PCDHA4: variants seen among roughly 807,000 people sequenced by gnomAD.
PCDHA4 encodes protocadherin alpha 4.
In PCDHA4, 49 loss-of-function variants were observed where a neutral mutation model predicts 61.4. That is an observed-to-expected ratio of 0.80 (90% CI 0.63 to 1.01). The LOEUF (loss-of-function observed/expected upper bound fraction) is 1.01. Ranked by LOEUF, PCDHA4 falls within the 50% of genes least tolerant of loss-of-function variation. PCDHA4 has a pLI of 0.00. For synonymous variants in PCDHA4, 590 were observed against 550.3 expected, an observed-to-expected ratio of 1.07 and a Z score of -1.01; for missense variants, 1,254 against 1,235.8, an observed-to-expected ratio of 1.01 and a Z score of -0.22.
At chr5:140,857,806 G>A (rs1554150689) in intron 1 of PCDHA4, 2 of 1,597,702 alleles carry the variant, frequency 1.3e-6, no homozygotes, top group African/African-American at 1.3e-5. Flanking sequence ...CGGTGGTTGC[G>A]GGTCACGTGG....
intron 1 of PCDHA4, among the ~76,000 whole-genome samples, chr5:140,941,255 C>CTTTCTTTCTTTCTT (rs782490896): frequency 4.1e-3 from 183 of 44,496 alleles, no homozygotes; most frequent in African/African-American, 4.7e-3. Context: ...TTCTTTCTTT[C>CTTTCTTTCTTTCTT]TCTTTCTTTC....
At position 140,807,421 on chromosome 5, in the gene PCDHA4, T is replaced by C. The variant is rs1554124005; in HGVS notation, c.234T>C (p.Asn78=). The C allele has an allele frequency of 6.3e-7, 1 of 1,592,400 alleles. No individual in the cohort carries two copies. The highest frequency in any genetic ancestry group is 8.5e-7 in the Non-Finnish European group (1 of 1,171,304). Residue 78 remains asparagine (N), a synonymous_variant, in exon 1 of 4, where the codon AAT becomes AAC. Coordinates refer to ENST00000530339, the MANE Select transcript of PCDHA4 (RefSeq NM_018907.4). ...SKGRGGLLEV[N]LQNGILFVNS... ...GCCGCGGAGGCCTTCTGGAGGTAAA[T>C]CTGCAGAATGGCATTTTGTTTGTGA...
intron 1 of PCDHA4, among the ~76,000 whole-genome samples, chr5:140,846,605 ACCT>A (rs1246547204): frequency 6.7e-6 from 1 of 148,178 alleles, no homozygotes; most frequent in East Asian, 1.9e-4. Context: ...CGATCTCCTG[ACCT>A]CCTGATCCGC....
chr5:140,882,870 A>T, intron 1 of PCDHA4: 1 of 1,614,196 alleles, frequency 6.2e-7, no homozygotes, highest in South Asian at 1.1e-5. Flanking sequence ...AAAACACTGG[A>T]CAGAGAGGAA....
At chr5:140,964,173 C>A (rs1052958313) in intron 1 of PCDHA4, among the ~76,000 whole-genome samples, 5 of 152,174 alleles carry the variant, frequency 3.3e-5, no homozygotes, top group Non-Finnish European at 7.4e-5. Context: ...GGAACGAAAT[C>A]ATTATAGTGC....
At chr5:140,944,907 T>A (rs246063) in intron 1 of PCDHA4, among the ~76,000 whole-genome samples, 85,748 of 151,952 alleles carry the variant, frequency 0.56, 24,800 homozygotes, top group African/African-American at 0.69. Flanking sequence ...TTCCACAAAC[T>A]TCTCTTTATA....
At chr5:140,865,810 T>A (rs1350387651) in intron 1 of PCDHA4, 1 of 152,186 alleles carries the variant, frequency 6.6e-6, no homozygotes, top group Non-Finnish European at 1.5e-5. Flanking sequence ...CATTCTTTTA[T>A]CCACTATAAT....
chr5:141,010,938 A>G lies in PCDHA4; in HGVS notation c.*1001A>G, dbSNP rs1210392691. ...TCAAAAGAGAATTCAGTCTACAGCC[A>G]TTTAAATGATCATTGCTGCTACAGA... On this transcript the variant is annotated 3_prime_UTR_variant, in exon 4 of 4. Coordinates refer to ENST00000530339, the MANE Select transcript of PCDHA4 (RefSeq NM_018907.4). 6 of 153,824 alleles carry G rather than the reference A, an allele frequency of 3.9e-5. No homozygotes were observed. Among genetic ancestry groups the G allele is most frequent in the African/African-American group, 1.4e-4 (6 of 41,470 alleles). The allele number at this position is 153,824 out of a possible 1,614,324, so 9.5% of individuals were successfully genotyped here. A position where few individuals can be genotyped will look rare whatever the true frequency, so the allele number is the denominator to read the frequency against.
intron 1 of PCDHA4, chr5:140,927,923 C>G: frequency 1.2e-6 from 2 of 1,614,232 alleles, no homozygotes; most frequent in Non-Finnish European, 1.7e-6. Context: ...GACTTCCTGA[C>G]TCTTTCGAAC....
At chr5:140,915,572 C>A (rs2077180575) in intron 1 of PCDHA4, among the ~76,000 whole-genome samples, 1 of 151,988 alleles carries the variant, frequency 6.6e-6, no homozygotes, top group Non-Finnish European at 1.5e-5. Flanking sequence ...ATCTGGATTG[C>A]CAGGCAAAAG....
intron 1 of PCDHA4, chr5:140,829,899 A>G: frequency 5.0e-6 from 8 of 1,614,020 alleles, no homozygotes; most frequent in Non-Finnish European, 6.8e-6. Context: ...GACTCAGGCT[A>G]CAACGCGTGG....
intron 1 of PCDHA4, among the ~76,000 whole-genome samples, chr5:140,898,000 T>G (rs1420296585): frequency 6.6e-5 from 10 of 152,348 alleles, no homozygotes; most frequent in African/African-American, 2.4e-4. Flanking sequence ...TTGAGAAGTG[T>G]CTGTTCATAT....
chr5:140,953,410 G>A (rs1328809858), intron 1 of PCDHA4, among the ~76,000 whole-genome samples: 5 of 152,042 alleles, frequency 3.3e-5, no homozygotes, highest in Non-Finnish European at 5.9e-5. Flanking sequence ...GTTGCTCCTG[G>A]CTCCTCCCCT....
At chr5:140,898,099 A>C (rs1469393554) in intron 1 of PCDHA4, among the ~76,000 whole-genome samples, 2 of 152,168 alleles carry the variant, frequency 1.3e-5, no homozygotes, top group African/African-American at 4.8e-5. Flanking sequence ...GCCCTTTGTC[A>C]GATGAGTAGG....
chr5:140,870,297 C>T, intron 1 of PCDHA4: 1 of 1,614,186 alleles, frequency 6.2e-7, no homozygotes, highest in Non-Finnish European at 8.5e-7. Context: ...AGCTGGTGTC[C>T]ACCTTCAAGA....
At chr5:140,929,148 G>A in intron 1 of PCDHA4, 1 of 1,614,190 alleles carries the variant, frequency 6.2e-7, no homozygotes, top group Middle Eastern at 1.6e-4. Flanking sequence ...GACTTTCTCA[G>A]ACTTATCTCT....
intron 1 of PCDHA4, chr5:140,854,181 AGTT>A: frequency 2.3e-6 from 1 of 434,280 alleles, no homozygotes; most frequent in Non-Finnish European, 3.0e-6. Context: ...AAAAAAGAGT[AGTT>A]TAACTACTCC....
At chr5:140,841,515 G>T (rs2150317088) in intron 1 of PCDHA4, 6 of 1,606,628 alleles carry the variant, frequency 3.7e-6, no homozygotes, top group Middle Eastern at 3.5e-4. Context: ...CGCCTGTTCC[G>T]GGTGGCGTCC....
chr5:140,883,806 A>T (rs1554180079), intron 1 of PCDHA4: 1 of 1,612,344 alleles, frequency 6.2e-7, no homozygotes, highest in East Asian at 2.2e-5. Flanking sequence ...GTGCACGCGG[A>T]GAGCGGCAAG....
Sources: gnomAD v4.1 joint callset for allele counts (sites outside exome capture counted in the v4.1 genomes callset) on GRCh38, gnomAD v4.1.1 for gene constraint, MANE v1.5 for transcripts, NCBI Gene and HGNC (gene_info 2026-07-23, HGNC 2026-07-21) for gene names.